The following TRAPPC9 variants were observed in gnomAD, a reference collection of about 807,000 sequenced individuals.
The protein encoded by TRAPPC9 is IKK2 binding protein.
A neutral mutation model predicts 124.0 loss-of-function variants in TRAPPC9; 83 were observed. The ratio of observed to expected loss-of-function variants is 0.67; its 90% CI spans 0.56 to 0.80. The LOEUF is 0.80. TRAPPC9 is among the 30% of genes least tolerant of loss of function. The probability of loss-of-function intolerance (pLI) is 0.00; values close to 1 mark genes in which losing one functional copy is unlikely to be tolerated. For missense variants in TRAPPC9, 1,302 were observed against 1,508.3 expected (o/e 0.86, Z 2.27); for synonymous variants, 638 against 617.5 (o/e 1.03, Z -0.49).
intron 21 of TRAPPC9, among the ~76,000 whole-genome samples, chr8:139,858,589 C>T (rs1377827474): frequency 6.6e-6 from 1 of 152,162 alleles, no homozygotes; most frequent in African/African-American, 2.4e-5. Context: ...CCAGGAAGGC[C>T]CCAGTAGATC....
chr8:140,189,092 TC>T (rs2062420677), intron 17 of TRAPPC9, among the ~76,000 whole-genome samples: 1 of 152,208 alleles, frequency 6.6e-6, no homozygotes, highest in Non-Finnish European at 1.5e-5. Context: ...CCTTCTCACA[TC>T]AATTCCCTCC....
chr8:140,001,232 C>T (rs960279919), intron 18 of TRAPPC9, among the ~76,000 whole-genome samples: 27 of 151,830 alleles, frequency 1.8e-4, no homozygotes, highest in African/African-American at 6.3e-4. Flanking sequence ...GGGCCTGTCA[C>T]GCACACCAGG....
intron 15 of TRAPPC9, among the ~76,000 whole-genome samples, chr8:140,266,966 C>T (rs897640078): frequency 2.6e-5 from 4 of 152,104 alleles, no homozygotes; most frequent in African/African-American, 9.7e-5. Context: ...CCTGAGAGAC[C>T]CACAAAGGTC....
chr8:140,083,874 C>T (rs1285298361), intron 17 of TRAPPC9, among the ~76,000 whole-genome samples: 1 of 152,108 alleles, frequency 6.6e-6, no homozygotes, highest in Non-Finnish European at 1.5e-5. Context: ...ACCATGTTGA[C>T]CAGGCTGCTT....
At chr8:140,089,450 T>C (rs1259239398) in intron 17 of TRAPPC9, among the ~76,000 whole-genome samples, 4 of 152,150 alleles carry the variant, frequency 2.6e-5, no homozygotes, top group South Asian at 2.1e-4. Flanking sequence ...AATCAATAAA[T>C]AGTCCTACTA....
intron 9 of TRAPPC9, among the ~76,000 whole-genome samples, chr8:140,350,615 G>A (rs1408964597): frequency 6.6e-6 from 1 of 152,128 alleles, no homozygotes; most frequent in Non-Finnish European, 1.5e-5. Context: ...ATGCAGAAGA[G>A]CCGGGGGTCA....
intron 19 of TRAPPC9, among the ~76,000 whole-genome samples, chr8:139,987,275 A>G (rs115658743): frequency 1.6e-4 from 25 of 152,322 alleles, no homozygotes; most frequent in African/African-American, 5.5e-4. Flanking sequence ...GGGTTGAAAT[A>G]GCTGGGCAAA....
chr8:140,087,626 G>T lies in TRAPPC9; in HGVS notation c.2557-63547C>A, dbSNP rs549706114. Among the ~76,000 whole-genome samples the T allele has an allele frequency of 2.6e-5, 4 of 152,224 alleles. No homozygotes were observed. The South Asian group carries it at 6.2e-4, about 24-fold the overall frequency. ...TTGCTTATTCTTCAGTGCATCTAAGGTCTGACCACTGTCGCCAACCTCCTC... is the reference window on the plus strand; with the variant it reads ...TTGCTTATTCTTCAGTGCATCTAAGTTCTGACCACTGTCGCCAACCTCCTC... On this transcript the variant is annotated intron_variant, in intron 17 of 22. Coordinates refer to ENST00000438773, the MANE Select transcript of TRAPPC9 (RefSeq NM_001160372.4). The surrounding 1 kb of genome is among the most constrained non-coding windows in gnomAD (Gnocchi z 4.6).
At chr8:140,157,407 T>C (rs2061673142) in intron 17 of TRAPPC9, among the ~76,000 whole-genome samples, 1 of 152,100 alleles carries the variant, frequency 6.6e-6, no homozygotes, top group African/African-American at 2.4e-5. Flanking sequence ...CCTTCTCTTC[T>C]TTCTGTGGAC....
chr8:140,368,240 T>G (rs2068178710), intron 8 of TRAPPC9, among the ~76,000 whole-genome samples: 1 of 152,180 alleles, frequency 6.6e-6, no homozygotes, highest in Admixed American at 6.5e-5. Flanking sequence ...AGAGCAGAGT[T>G]CAGGACCCTC....
intron 17 of TRAPPC9, chr8:140,096,675 G>A (rs116561604): frequency 1.1e-4 from 16 of 152,210 alleles, no homozygotes; most frequent in Admixed American, 4.6e-4. Context: ...TTGTAAAGCC[G>A]GTTGGAAGTA....
intron 15 of TRAPPC9, among the ~76,000 whole-genome samples, chr8:140,272,867 C>A (rs1394490772): frequency 1.3e-5 from 2 of 151,466 alleles, no homozygotes; most frequent in Non-Finnish European, 2.9e-5. Context: ...CAAAACCCCC[C>A]ACCAGACCCC....
intron 17 of TRAPPC9, among the ~76,000 whole-genome samples, chr8:140,152,869 G>T (rs1256405017): frequency 1.3e-5 from 2 of 152,074 alleles, no homozygotes; most frequent in African/African-American, 4.8e-5. Context: ...CCTGGATGCT[G>T]TTTATTTCAT....
chr8:139,815,969 C>T (rs1048888670), intron 21 of TRAPPC9, among the ~76,000 whole-genome samples: 2 of 152,214 alleles, frequency 1.3e-5, no homozygotes, highest in African/African-American at 4.8e-5. Context: ...ATGAGGGACA[C>T]GGGCAGTGAG....
chr8:140,155,482 C>T (rs945876521), intron 17 of TRAPPC9, among the ~76,000 whole-genome samples: 1 of 152,194 alleles, frequency 6.6e-6, no homozygotes, highest in Admixed American at 6.5e-5. Context: ...ACACCTGTTA[C>T]ATGAAAGCCG....
In TRAPPC9 at chr8:140,316,814, T is replaced by C. The variant is rs2066453888; in HGVS notation, c.1496-5440A>G. 3.9e-5 allele frequency among the ~76,000 whole-genome samples: 6 copies of C among 152,212 alleles called. No homozygotes were observed. The South Asian group carries it at 1.2e-3, about 31-fold the overall frequency. On this transcript the variant is annotated intron_variant, in intron 9 of 22. Coordinates refer to ENST00000438773, the MANE Select transcript of TRAPPC9 (RefSeq NM_001160372.4). ...GTTTGAGAAAAATTGGTACTAGTTC[T>C]TTGTTAAATGTTTCAGCAGTGAAGC...
At chr8:140,033,664 T>TGTTTTTTTTTTTG (rs61417850) in intron 17 of TRAPPC9, among the ~76,000 whole-genome samples, 10 of 76,282 alleles carry the variant, frequency 1.3e-4, no homozygotes, top group South Asian at 3.7e-4. Flanking sequence ...TGTGGTTTTT[T>TGTTTTTTTTTTTG]TTTTTTTTTT....
intron 17 of TRAPPC9, among the ~76,000 whole-genome samples, chr8:140,064,113 T>C (rs1842777507): frequency 6.6e-6 from 1 of 152,058 alleles, no homozygotes; most frequent in South Asian, 2.1e-4. Flanking sequence ...AATGACATAG[T>C]CACATAATTA....
intron 15 of TRAPPC9, among the ~76,000 whole-genome samples, chr8:140,273,651 CT>C (rs1167073247): frequency 1.3e-5 from 2 of 152,186 alleles, no homozygotes; most frequent in African/African-American, 4.8e-5. Flanking sequence ...CTCCAGGCAT[CT>C]GCCCAGGCCC....
Sources: gnomAD v4.1 joint callset for allele counts (sites outside exome capture counted in the v4.1 genomes callset) on GRCh38, gnomAD v4.1.1 for gene constraint, Gnocchi (gnomAD v3.1) non-coding constraint, MANE v1.5 for transcripts, NCBI Gene and HGNC (gene_info 2026-07-23, HGNC 2026-07-21) for gene names.